Variants in CDH13 observed in about 807,000 individuals in gnomAD.
CDH13 encodes cadherin 13, also known as cadherin-13.
In CDH13, 24 loss-of-function variants were observed where a neutral mutation model predicts 63.8. That is an observed-to-expected ratio of 0.38 (90% CI 0.27 to 0.53). CDH13 has a LOEUF of 0.53. Ranked by LOEUF, CDH13 falls within the 20% of genes least tolerant of loss-of-function variation. CDH13 has a pLI of 0.85. For missense variants in CDH13, 1,049 were observed against 903.1 expected, an observed-to-expected ratio of 1.16 and a Z score of -2.07; for synonymous variants, 503 against 355.3, an observed-to-expected ratio of 1.42 and a Z score of -4.67.
chr16:83,561,348 C>T (rs2075704921), intron 7 of CDH13, among the ~76,000 whole-genome samples: 1 of 149,222 alleles, frequency 6.7e-6, no homozygotes, highest in Non-Finnish European at 1.5e-5. Flanking sequence ...ATTATTTGAA[C>T]CTGAGAGGCG....
intron 1 of CDH13, among the ~76,000 whole-genome samples, chr16:82,821,685 A>G (rs907054170): frequency 7.9e-5 from 12 of 152,236 alleles, no homozygotes; most frequent in African/African-American, 2.9e-4. Context: ...AAGGAGAGTA[A>G]TATTCCCTGA....
intron 2 of CDH13, among the ~76,000 whole-genome samples, chr16:82,982,309 A>G (rs1173405740): frequency 2.6e-5 from 4 of 152,060 alleles, no homozygotes; most frequent in Admixed American, 6.6e-5. Context: ...ACAAGTTGAC[A>G]TTTTCCAATA....
chr16:82,941,073 T>G (rs1275564183), intron 2 of CDH13, among the ~76,000 whole-genome samples: 1 of 152,074 alleles, frequency 6.6e-6, no homozygotes, highest in Non-Finnish European at 1.5e-5. Context: ...AATGGTCAAA[T>G]GAAAAGACAC....
At chr16:83,514,807 C>G (rs759553162) in intron 7 of CDH13, among the ~76,000 whole-genome samples, 2 of 152,148 alleles carry the variant, frequency 1.3e-5, no homozygotes, top group Admixed American at 6.5e-5. Flanking sequence ...AGGCCGGGAA[C>G]AGATGTTCCC....
At chr16:83,273,891 A>T (rs953248207) in intron 5 of CDH13, among the ~76,000 whole-genome samples, 2 of 152,118 alleles carry the variant, frequency 1.3e-5, no homozygotes, top group Non-Finnish European at 1.5e-5. Flanking sequence ...TTGGTACTGA[A>T]CCTGGTTTCT....
intron 3 of CDH13, among the ~76,000 whole-genome samples, chr16:83,123,974 CAT>C (rs2035700246): frequency 6.6e-6 from 1 of 152,156 alleles, no homozygotes; most frequent in Non-Finnish European, 1.5e-5. Flanking sequence ...GAGCATTTTT[CAT>C]ATGTCTGTTG....
chr16:83,181,596 C>G (rs887384159), intron 4 of CDH13, among the ~76,000 whole-genome samples: 4 of 152,088 alleles, frequency 2.6e-5, no homozygotes, highest in African/African-American at 9.7e-5. Flanking sequence ...TCTGTGAGTT[C>G]AAAATAAGAG....
intron 4 of CDH13, among the ~76,000 whole-genome samples, chr16:83,148,585 A>C (rs1597419556): frequency 1.3e-5 from 2 of 152,278 alleles, no homozygotes; most frequent in South Asian, 4.1e-4. Flanking sequence ...GCCTCATAGG[A>C]TTTTCCAGAG....
chr16:83,528,133 A>G (rs1320616773), intron 7 of CDH13, among the ~76,000 whole-genome samples: 1 of 152,186 alleles, frequency 6.6e-6, no homozygotes, highest in African/African-American at 2.4e-5. Flanking sequence ...CCTCTTTAAT[A>G]ATCCTCTTAA....
chr16:82,777,443 G>T (rs1315597345), intron 1 of CDH13, among the ~76,000 whole-genome samples: 1 of 152,206 alleles, frequency 6.6e-6, no homozygotes, highest in East Asian at 1.9e-4. Flanking sequence ...CCACACTGTG[G>T]TCTTTGTGAA....
chr16:83,558,318 T>C (rs528576214), intron 7 of CDH13, among the ~76,000 whole-genome samples: 54 of 152,302 alleles, frequency 3.5e-4, no homozygotes, highest in Middle Eastern at 3.4e-3. Flanking sequence ...TTAAAGAGTC[T>C]TCCAGCAGCC....
At chr16:83,741,962 C>T (rs778302013) in intron 10 of CDH13, among the ~76,000 whole-genome samples, 2 of 152,214 alleles carry the variant, frequency 1.3e-5, no homozygotes, top group African/African-American at 4.8e-5. Flanking sequence ...AGCCATCCCC[C>T]ACCTGTTCAT....
chr16:83,698,874 T>A (rs953041023), intron 10 of CDH13, among the ~76,000 whole-genome samples: 3 of 152,254 alleles, frequency 2.0e-5, no homozygotes, highest in Non-Finnish European at 2.9e-5. Context: ...AGCTGCCACA[T>A]CTGTGAATAG....
chr16:83,276,060 A>G (rs2088977567), intron 5 of CDH13, among the ~76,000 whole-genome samples: 1 of 152,140 alleles, frequency 6.6e-6, no homozygotes, highest in Non-Finnish European at 1.5e-5. Context: ...CTAGGCCAAG[A>G]CTGATTTACA....
chr16:82,699,978 C>G (rs867739956), intron 1 of CDH13, among the ~76,000 whole-genome samples: 7 of 152,322 alleles, frequency 4.6e-5, no homozygotes, highest in Middle Eastern at 3.4e-3. Flanking sequence ...TGCCAGAGAG[C>G]TTTGTTGATT....
At chr16:83,589,029 C>G (rs182156601) in intron 7 of CDH13, among the ~76,000 whole-genome samples, 74 of 152,288 alleles carry the variant, frequency 4.9e-4, no homozygotes, top group African/African-American at 1.7e-3. Context: ...TCCTACAGAG[C>G]TAGAAGTCAG....
rs754925344 is a variant in CDH13, at chr16:83,797,034, C to T, written c.*2004C>T. 1 of 152,244 alleles carries T rather than the reference C, an allele frequency of 6.6e-6. No homozygotes were observed. The highest frequency in any genetic ancestry group is 6.5e-5 in the Admixed American group (1 of 15,272). 9.4% of individuals were successfully genotyped at this position (152,244 alleles called of 1,614,324 possible). On this transcript the variant is annotated 3_prime_UTR_variant, in exon 14 of 14. Transcript: ENST00000567109. ...GACTCAGGGACAGGGGAATCTAAGC[C>T]TGTGCATTCACACTCCACAAGATTT...
chr16:83,374,194 T>C (rs1438457176), intron 6 of CDH13, among the ~76,000 whole-genome samples: 4 of 152,218 alleles, frequency 2.6e-5, no homozygotes, highest in Admixed American at 6.5e-5. Context: ...CCCCTTAGCC[T>C]GCAAACTCTG....
intron 1 of CDH13, among the ~76,000 whole-genome samples, chr16:82,664,258 C>T (rs912075939): frequency 4.6e-5 from 7 of 152,202 alleles, no homozygotes; most frequent in Non-Finnish European, 1.0e-4. Flanking sequence ...CTGTGTCTCT[C>T]CTCCTCAGAT....
Sources: allele counts gnomAD v4.1 joint callset (sites outside exome capture counted in the v4.1 genomes callset), GRCh38; gene constraint gnomAD v4.1.1; transcripts MANE v1.5; gene names NCBI Gene and HGNC (gene_info 2026-07-23, HGNC 2026-07-21).